Variants in PPFIBP1 observed in about 807,000 individuals in gnomAD.
PPFIBP1 encodes the protein PPFIB scaffold protein 1, also known as liprin-beta-1.
Under a neutral mutation model 137.8 loss-of-function variants are expected in PPFIBP1, and 112 were observed. The ratio of observed to expected loss-of-function variants is 0.81; its 90% CI spans 0.70 to 0.95. The LOEUF is 0.95. Among genes scored for constraint, PPFIBP1 ranks in the 40% least tolerant of loss-of-function variants. The pLI is 0.00. For missense variants in PPFIBP1, 1,083 were observed against 1,196.6 expected (o/e 0.91, Z 1.40); for synonymous variants, 378 against 417.3 (o/e 0.91, Z 1.15).
intron 2 of PPFIBP1, among the ~76,000 whole-genome samples, chr12:27,626,523 T>C (rs2056831072): frequency 6.6e-6 from 1 of 151,924 alleles, no homozygotes. Flanking sequence ...GGCCTGCCTC[T>C]GGTGTTTCTG....
intron 2 of PPFIBP1, among the ~76,000 whole-genome samples, chr12:27,596,117 C>G (rs1377445466): frequency 4.1e-5 from 6 of 145,184 alleles, no homozygotes; most frequent in African/African-American, 1.3e-4. Flanking sequence ...CATATGCTTA[C>G]AAATGGCAAA....
rs746024365 is a variant in PPFIBP1 at position 27,694,971 on chromosome 12, T to A, written c.*2089T>A. The A allele has an allele frequency of 2.6e-5, 4 of 152,226 alleles. No homozygotes were observed. Among genetic ancestry groups the A allele is most frequent in the Non-Finnish European group, 4.4e-5 (3 of 68,040 alleles). 9.4% of individuals were successfully genotyped at this position (152,226 alleles called of 1,614,324 possible). ...AATTGATTTGATGCTAATAATAATTTTCTTTAAACTCTACCATTCATTATG... is the reference window on the plus strand; with the variant it reads ...AATTGATTTGATGCTAATAATAATTATCTTTAAACTCTACCATTCATTATG... On this transcript the variant is annotated 3_prime_UTR_variant, in exon 30 of 30. Transcript: ENST00000228425.
chr12:27,585,252 A>G (rs1433180556), intron 2 of PPFIBP1, among the ~76,000 whole-genome samples: 1 of 152,256 alleles, frequency 6.6e-6, no homozygotes, highest in Non-Finnish European at 1.5e-5. Context: ...TTTGTAAGTC[A>G]CTTTGTACTA....
chr12:27,585,114 C>T (rs972376925), intron 2 of PPFIBP1, among the ~76,000 whole-genome samples: 24 of 152,268 alleles, frequency 1.6e-4, no homozygotes, highest in Middle Eastern at 3.4e-3. Context: ...TGCTCATTTT[C>T]GTGCACAGCC....
intron 1 of PPFIBP1, among the ~76,000 whole-genome samples, chr12:27,536,404 G>T (rs1411817241): frequency 6.6e-6 from 1 of 152,138 alleles, no homozygotes; most frequent in African/African-American, 2.4e-5. Context: ...TGCTTCTGGC[G>T]AGGCCCCCAG....
chr12:27,553,837 C>CT (rs1160149054), intron 1 of PPFIBP1, among the ~76,000 whole-genome samples: 1 of 152,230 alleles, frequency 6.6e-6, no homozygotes, highest in Admixed American at 6.5e-5. Flanking sequence ...AGTATTCCTA[C>CT]TTTTCTTCCC....
At chr12:27,632,767 T>G (rs1353479919) in intron 2 of PPFIBP1, among the ~76,000 whole-genome samples, 2 of 152,182 alleles carry the variant, frequency 1.3e-5, no homozygotes, top group African/African-American at 4.8e-5. Flanking sequence ...TTATGGATAA[T>G]TTATGTAAAT....
chr12:27,577,840 A>G (rs375331687), intron 1 of PPFIBP1, among the ~76,000 whole-genome samples: 3 of 151,488 alleles, frequency 2.0e-5, no homozygotes, highest in African/African-American at 7.4e-5. Flanking sequence ...ACCATGTGCT[A>G]CTACTACTTT....
intron 1 of PPFIBP1, among the ~76,000 whole-genome samples, chr12:27,561,468 T>A (rs1236468139): frequency 6.6e-6 from 1 of 152,224 alleles, no homozygotes; most frequent in Non-Finnish European, 1.5e-5. Context: ...ACTATGGAGT[T>A]CTGAGTGGGT....
Position 27,664,777 on chromosome 12 carries a change from T to C in PPFIBP1, c.991+331T>C, listed in dbSNP as rs138860139. 5.9e-5 allele frequency among the ~76,000 whole-genome samples: 9 copies of C among 152,012 alleles called. No individual in the cohort carries two copies. The East Asian group carries it at 1.7e-3, about 29-fold the overall frequency. On this transcript the variant is annotated intron_variant, in intron 12 of 29. Coordinates refer to ENST00000228425, the MANE Select transcript of PPFIBP1 (RefSeq NM_003622.4). ...GAAGAACACCAGTGCAACTGCAAGG[T>C]GGTGGGCAGTGGGGAGAGGGGATGA...
chr12:27,593,994 T>G (rs2052871384), intron 2 of PPFIBP1: 2 of 1,380,968 alleles, frequency 1.4e-6, no homozygotes, highest in African/African-American at 3.0e-5. Context: ...GAATTGGATT[T>G]GGAGCTGTCG....
chr12:27,669,311 C>G, intron 13 of PPFIBP1, among the ~76,000 whole-genome samples: 1 of 151,996 alleles, frequency 6.6e-6, no homozygotes, highest in East Asian at 1.9e-4. Context: ...GAAAATATCC[C>G]CTAATTGTTA....
chr12:27,595,129 G>C (rs911019150), intron 2 of PPFIBP1, among the ~76,000 whole-genome samples: 2 of 152,204 alleles, frequency 1.3e-5, no homozygotes, highest in African/African-American at 4.8e-5. Context: ...TTTCCAGGAA[G>C]GTTTTGCTGT....
At chr12:27,688,654 G>T (rs957470853) in intron 26 of PPFIBP1, among the ~76,000 whole-genome samples, 3 of 152,058 alleles carry the variant, frequency 2.0e-5, no homozygotes, top group Non-Finnish European at 2.9e-5. Context: ...ATAACATGTA[G>T]CTGCTTTCTC....
intron 1 of PPFIBP1, among the ~76,000 whole-genome samples, chr12:27,534,318 C>A (rs779561308): frequency 1.3e-5 from 2 of 151,910 alleles, no homozygotes; most frequent in East Asian, 3.9e-4. Flanking sequence ...AGAAGGGATA[C>A]GAATTGAGTA....
intron 2 of PPFIBP1, among the ~76,000 whole-genome samples, chr12:27,610,232 C>A (rs777821436): frequency 5.9e-5 from 9 of 152,132 alleles, no homozygotes; most frequent in Non-Finnish European, 8.8e-5. Flanking sequence ...TCCCTTGTAG[C>A]CCAGTAGTGA....
At chr12:27,599,450 A>G (rs1409005201) in intron 2 of PPFIBP1, 3 of 455,642 alleles carry the variant, frequency 6.6e-6, no homozygotes, top group Non-Finnish European at 1.3e-5. Context: ...CAGTTAGCAG[A>G]TCTTGGGACT....
chr12:27,543,552 G>T (rs1473634729), intron 1 of PPFIBP1, among the ~76,000 whole-genome samples: 1 of 152,200 alleles, frequency 6.6e-6, no homozygotes, highest in Non-Finnish European at 1.5e-5. Flanking sequence ...GAGAGACAAT[G>T]AGGAGAAAGT....
chr12:27,553,523 A>T (rs754615007), intron 1 of PPFIBP1, among the ~76,000 whole-genome samples: 1 of 152,128 alleles, frequency 6.6e-6, no homozygotes, highest in African/African-American at 2.4e-5. Context: ...AATAGCTTTG[A>T]AGTTATGTGG....
Sources: allele counts gnomAD v4.1 joint callset (sites outside exome capture counted in the v4.1 genomes callset), GRCh38; gene constraint gnomAD v4.1.1; transcripts MANE v1.5; gene names NCBI Gene and HGNC (gene_info 2026-07-23, HGNC 2026-07-21).